UGT1A10: variants seen among roughly 807,000 people sequenced by gnomAD.
UGT1A10 encodes the protein UDP glucuronosyltransferase family 1 member A10.
UGT1A10 carries 49 observed loss-of-function variants against 45.8 expected under a neutral mutation model. That is an observed-to-expected ratio of 1.07 (90% confidence interval 0.85 to 1.36). The LOEUF is 1.36. UGT1A10 is among the 40% of genes most tolerant of loss of function. The probability of loss-of-function intolerance (pLI) is 0.00; values close to 1 mark genes in which losing one functional copy is unlikely to be tolerated. For synonymous variants in UGT1A10, 284 were observed against 249.7 expected, an observed-to-expected ratio of 1.14 and a Z score of -1.29; for missense variants, 745 against 668.6, an observed-to-expected ratio of 1.11 and a Z score of -1.26.
At chr2:233,757,560 A>ATATATATATATATATG (rs904896556) in intron 1 of UGT1A10, among the ~76,000 whole-genome samples, 35 of 123,152 alleles carry the variant, frequency 2.8e-4, no homozygotes, top group African/African-American at 1.1e-3. Context: ...ATATATATAT[A>ATATATATATATATATG]TGTATATATG....
In UGT1A10 at chr2:233,650,751, C is replaced by G. The variant is rs552820944; in HGVS notation, c.855+13374C>G. Among the ~76,000 whole-genome samples, 4 of 152,296 alleles carry G rather than the reference C, an allele frequency of 2.6e-5. No individual in the cohort carries two copies. The South Asian group carries it at 8.3e-4, about 32-fold the overall frequency. On this transcript the variant is annotated intron_variant, in intron 1 of 4. Coordinates refer to ENST00000344644, the MANE Select transcript of UGT1A10 (RefSeq NM_019075.4). ...GGCTTTTTTCCAACTGATGTCCTAT[C>G]CTTCTTAGTGCCTCAAACTAGATCC...
chr2:233,725,175 TG>T (rs1374547834), intron 1 of UGT1A10, among the ~76,000 whole-genome samples: 1 of 81,962 alleles, frequency 1.2e-5, no homozygotes, highest in Non-Finnish European at 2.2e-5. Context: ...AGGGAGACCG[TG>T]GGGAGAGGCA....
At chr2:233,700,178 C>A (rs1315960228) in intron 1 of UGT1A10, among the ~76,000 whole-genome samples, 2 of 152,190 alleles carry the variant, frequency 1.3e-5, no homozygotes, top group Non-Finnish European at 2.9e-5. Context: ...CTCATTCAGG[C>A]TGAAATCTCA....
rs1696612775 is a variant in UGT1A10 at position 233,757,546 on chromosome 2, A to ATACATATATATATC, written c.856-9486_856-9485insCATATATATATCTA. The stretch of plus-strand genomic sequence containing the variant: ...TCTTGCCTGTAAGGAATATATATAT[A>ATACATATATATATC]TATATATATATATATGTATATATGA... On this transcript the variant is annotated intron_variant, in intron 1 of 4. Transcript: ENST00000344644. Among the ~76,000 whole-genome samples the ATACATATATATATC allele has an allele frequency of 1.6e-5, 2 of 123,536 alleles. 1 individual carries two copies. The highest frequency in any genetic ancestry group is 3.5e-5 in the Non-Finnish European group (2 of 57,034). 81.0% of individuals were successfully genotyped at this position (123,536 alleles called of 152,430 possible).
chr2:233,726,720 A>G (rs1047156507), intron 1 of UGT1A10, among the ~76,000 whole-genome samples: 16 of 152,220 alleles, frequency 1.1e-4, no homozygotes, highest in African/African-American at 3.4e-4. Context: ...AGGAAGTACA[A>G]TGTAGATACT....
intron 1 of UGT1A10, among the ~76,000 whole-genome samples, chr2:233,705,792 T>C (rs1402814731): frequency 2.6e-5 from 4 of 152,152 alleles, no homozygotes; most frequent in African/African-American, 7.2e-5. Context: ...AAAATGCCCC[T>C]TGTTCAAAAA....
At chr2:233,691,541 C>T in intron 1 of UGT1A10, 1 of 985,666 alleles carries the variant, frequency 1.0e-6, no homozygotes, top group Non-Finnish European at 1.2e-6. Flanking sequence ...CTGGGCAAGT[C>T]TGTTCTAGTA....
intron 1 of UGT1A10, among the ~76,000 whole-genome samples, chr2:233,738,788 G>T (rs1333447117): frequency 6.6e-6 from 1 of 152,238 alleles, no homozygotes; most frequent in Admixed American, 6.5e-5. Flanking sequence ...ATTCAAGCCA[G>T]ATGCAGAAAT....
At chr2:233,748,890 T>C (rs1434847115) in intron 1 of UGT1A10, among the ~76,000 whole-genome samples, 1 of 151,534 alleles carries the variant, frequency 6.6e-6, no homozygotes, top group African/African-American at 2.4e-5. Flanking sequence ...TGGACATGTG[T>C]CCAAGAAGGG....
chr2:233,750,785 G>A (rs1694560373), intron 1 of UGT1A10: 1 of 151,946 alleles, frequency 6.6e-6, no homozygotes. Context: ...TGGGTACACA[G>A]AAGATAAGAA....
At position 233,767,125 on chromosome 2, in the gene UGT1A10, C is replaced by T. The variant is rs775405878; in HGVS notation, c.947C>T (p.Ala316Val). 2.5e-6 allele frequency: 4 copies of T among 1,614,092 alleles called. No individual in the cohort carries two copies. Among genetic ancestry groups the T allele is most frequent in the Non-Finnish European group, 3.4e-6 (4 of 1,180,014 alleles). The part of the protein sequence containing the change: ...SMVSEIPEKK[A>V]MAIADALGKI... ...GTCTCAGAAATTCCAGAGAAGAAAG[C>T]TATGGCAATTGCTGATGCTTTGGGC... Residue 316 changes from alanine to valine, a missense_variant, in exon 2 of 5, where the codon GCT becomes GTT. By Grantham distance (64) the Ala-to-Val change is moderately conservative. Coordinates refer to ENST00000344644, the MANE Select transcript of UGT1A10 (RefSeq NM_019075.4).
intron 1 of UGT1A10, chr2:233,719,052 A>G (rs200903552): frequency 2.5e-6 from 4 of 1,614,270 alleles, no homozygotes; most frequent in African/African-American, 1.3e-5. Context: ...TTTCACCCTG[A>G]CAGCCTATGC....
At chr2:233,652,141 C>T (rs1416582881) in intron 1 of UGT1A10, among the ~76,000 whole-genome samples, 1 of 152,182 alleles carries the variant, frequency 6.6e-6, no homozygotes, top group African/African-American at 2.4e-5. Flanking sequence ...TGGGAGGTGA[C>T]TGCACAGCAA....
chr2:233,765,570 C>A (rs371639452), intron 1 of UGT1A10, among the ~76,000 whole-genome samples: 1 of 151,792 alleles, frequency 6.6e-6, no homozygotes, highest in Non-Finnish European at 1.5e-5. Flanking sequence ...AATGCGTAGA[C>A]GCAGGGAGGG....
chr2:233,772,103 A>G (rs1436143050), intron 4 of UGT1A10, among the ~76,000 whole-genome samples, 159 bp from the exon 5 acceptor site: 1 of 152,162 alleles, frequency 6.6e-6, no homozygotes, highest in East Asian at 1.9e-4. Context: ...ACAGGGCAAG[A>G]CTCTGTATCT....
At chr2:233,670,912 TC>T (rs1244357005) in intron 1 of UGT1A10, among the ~76,000 whole-genome samples, 4 of 152,216 alleles carry the variant, frequency 2.6e-5, no homozygotes, top group Non-Finnish European at 2.9e-5. Context: ...GCCGAGGCCT[TC>T]TTGTACAACA....
At chr2:233,760,184 G>A in intron 1 of UGT1A10, 1 of 1,553,564 alleles carries the variant, frequency 6.4e-7, no homozygotes, top group Non-Finnish European at 8.7e-7. Flanking sequence ...GCTTTTTATA[G>A]TCACGTGACA....
intron 1 of UGT1A10, among the ~76,000 whole-genome samples, chr2:233,684,868 A>T (rs1195910758): frequency 6.6e-6 from 1 of 152,194 alleles, no homozygotes; most frequent in East Asian, 1.9e-4. Context: ...TTCTTGTTTC[A>T]TATGGGCAGG....
intron 1 of UGT1A10, among the ~76,000 whole-genome samples, chr2:233,704,154 G>C (rs577048588): frequency 7.5e-4 from 114 of 151,806 alleles, no homozygotes; most frequent in Middle Eastern, 3.4e-3. Flanking sequence ...GCCTTTCAAA[G>C]TACTGGGATT....
Sources: allele counts gnomAD v4.1 joint callset (sites outside exome capture counted in the v4.1 genomes callset), GRCh38; gene constraint gnomAD v4.1.1; transcripts MANE v1.5; gene names NCBI Gene and HGNC (gene_info 2026-07-23, HGNC 2026-07-21).